The following COBL variants were observed in gnomAD, a reference collection of about 807,000 sequenced individuals.
COBL encodes the protein protein cordon-bleu.
Under a neutral mutation model 98.8 loss-of-function variants are expected in COBL, and 51 were observed. That is an observed-to-expected ratio of 0.52 (90% CI 0.41 to 0.65). The LOEUF is 0.65. Ranked by LOEUF, COBL falls within the 30% of genes least tolerant of loss-of-function variation. The probability of loss-of-function intolerance (pLI) is 0.00; values close to 1 mark genes in which losing one functional copy is unlikely to be tolerated. For synonymous variants in COBL, 634 were observed against 651.7 expected, an observed-to-expected ratio of 0.97 and a Z score of 0.41; for missense variants, 1,617 against 1,617.5, an observed-to-expected ratio of 1.00 and a Z score of 0.01.
chr7:51,065,491 G>A (rs1455077988), intron 7 of COBL: 8 of 671,970 alleles, frequency 1.2e-5, no homozygotes, highest in East Asian at 2.7e-5. Flanking sequence ...GGCAGAGGCC[G>A]AATGCACGCA....
chr7:51,095,997 G>A (rs1795240926), intron 6 of COBL, among the ~76,000 whole-genome samples: 1 of 152,144 alleles, frequency 6.6e-6, no homozygotes. Flanking sequence ...AGATCCATAA[G>A]TAATAGAGGA....
At position 51,028,491 on chromosome 7, in the gene COBL, C is replaced by T; in HGVS notation, c.2605G>A (p.Ala869Thr). The T allele has an allele frequency of 6.2e-7, 1 of 1,614,266 alleles. No homozygotes were observed. The highest frequency in any genetic ancestry group is 1.1e-5 in the South Asian group (1 of 91,088). ...CCTATGCGCTTGGCAATGGCAGAGGCCACATACTGGCTGGACGTTCTTCTC... is the reference window on the plus strand; with the variant it reads ...CCTATGCGCTTGGCAATGGCAGAGGTCACATACTGGCTGGACGTTCTTCTC... ...PQRRTSSQYV[A>T]SAIAKRIGAP... The change falls in exon 10 of 13, where the codon GCC becomes ACC. Residue 869 changes from alanine to threonine, a missense_variant. By Grantham distance (58) the Ala-to-Thr change is moderately conservative. This residue lies in a region of COBL where 1,304 missense variants were observed against 1,282.0 expected (regional missense o/e 1.02). Transcript: ENST00000265136.
intron 12 of COBL, among the ~76,000 whole-genome samples, chr7:51,019,357 T>C (rs1033906046): frequency 2.0e-5 from 3 of 151,818 alleles, no homozygotes; most frequent in Non-Finnish European, 2.9e-5. Flanking sequence ...ACTTGTGATG[T>C]GGAAGGGAAG....
At chr7:51,255,894 T>A (rs1797155338) in intron 1 of COBL, among the ~76,000 whole-genome samples, 1 of 152,102 alleles carries the variant, frequency 6.6e-6, no homozygotes, top group South Asian at 2.1e-4. Flanking sequence ...CTTTGTCCCT[T>A]AGATTGTGCA....
intron 6 of COBL, among the ~76,000 whole-genome samples, chr7:51,118,627 G>T (rs373204345): frequency 6.6e-6 from 1 of 151,838 alleles, no homozygotes; most frequent in Non-Finnish European, 1.5e-5. Context: ...CACTGGGGGG[G>T]AGAGGGGGAG....
intron 2 of COBL, among the ~76,000 whole-genome samples, chr7:51,206,491 C>CAAAAAAAAAAAAAAAA (rs1216887855): frequency 9.9e-6 from 1 of 101,276 alleles, no homozygotes; most frequent in African/African-American, 3.9e-5. Flanking sequence ...GACTCTGTCT[C>CAAAAAAAAAAAAAAAA]AAAAAAAAAA....
At chr7:51,159,725 G>A (rs1786589151) in intron 5 of COBL, among the ~76,000 whole-genome samples, 1 of 151,704 alleles carries the variant, frequency 6.6e-6, no homozygotes, top group African/African-American at 2.4e-5. Context: ...ACTGGTACTG[G>A]CATTAGGCCC....
intron 1 of COBL, among the ~76,000 whole-genome samples, chr7:51,268,639 T>A (rs1364338471): frequency 6.6e-6 from 1 of 152,062 alleles, no homozygotes. Flanking sequence ...GGTGTCTTTA[T>A]CAGGCTCCCC....
intron 1 of COBL, among the ~76,000 whole-genome samples, chr7:51,283,382 G>A (rs973682874): frequency 2.6e-5 from 4 of 152,172 alleles, no homozygotes; most frequent in Non-Finnish European, 5.9e-5. Context: ...AACTTTAAAT[G>A]ACACAGATCA....
Position 51,028,885 on chromosome 7 carries a change from C to T in COBL, c.2211G>A (p.Gly737=). Residue 737 remains glycine (G), a synonymous_variant, in exon 10 of 13, where the codon GGG becomes GGA. Transcript: ENST00000265136. ...STGAIKIDEL[G]NLVSPHATGI... ...CGGTGGCGTGAGGACTCACCAAGTT[C>T]CCCAGCTCGTCAATCTTAATGGCTC... The T allele has an allele frequency of 6.2e-7, 1 of 1,614,188 alleles. No individual in the cohort carries two copies.
In COBL at chr7:51,157,920, A is replaced by G. The variant is rs115256425; in HGVS notation, c.784-21589T>C. On this transcript the variant is annotated intron_variant, in intron 5 of 12. Transcript: ENST00000265136. ...CAATTGAAATAAACAAAATACAGAC[A>G]ATCATCACACACATTGTTAAAACAT... is the stretch of plus-strand genomic sequence containing the variant. Among the ~76,000 whole-genome samples, 1,106 of 152,348 alleles carry G rather than the reference A, an allele frequency of 7.3e-3. 13 individuals are homozygous for G. Among genetic ancestry groups the G allele is most frequent in the African/African-American group, 0.026 (1,073 of 41,576 alleles).
At chr7:51,310,172 A>C (rs1275259327) in intron 1 of COBL, among the ~76,000 whole-genome samples, 3 of 152,254 alleles carry the variant, frequency 2.0e-5, no homozygotes, top group Admixed American at 1.3e-4. Flanking sequence ...CAGTTGCAAT[A>C]ATCACCAGTC....
chr7:51,142,042 C>T (rs569426903), intron 5 of COBL, among the ~76,000 whole-genome samples: 1 of 152,308 alleles, frequency 6.6e-6, no homozygotes, highest in Admixed American at 6.5e-5. Context: ...TCCTGGAAAT[C>T]CTGCACTGAT....
chr7:51,239,519 T>C (rs1351044196), intron 1 of COBL, among the ~76,000 whole-genome samples: 1 of 152,206 alleles, frequency 6.6e-6, no homozygotes, highest in Non-Finnish European at 1.5e-5. Context: ...AATCAAGAAA[T>C]AATCATAAAA....
At chr7:51,073,516 A>G in intron 7 of COBL, 1 of 463,642 alleles carries the variant, frequency 2.2e-6, no homozygotes. Flanking sequence ...GCCAAAGCAT[A>G]TTGTTATTGT....
intron 7 of COBL, chr7:51,065,221 TG>T: frequency 1.4e-6 from 1 of 703,446 alleles, no homozygotes. Flanking sequence ...TGCGTGTGTG[TG>T]TCTAAGTGTG....
At chr7:51,228,992 C>A (rs1227143253) in intron 1 of COBL, among the ~76,000 whole-genome samples, 1 of 152,176 alleles carries the variant, frequency 6.6e-6, no homozygotes, top group Non-Finnish European at 1.5e-5. Flanking sequence ...AGAAAACTTA[C>A]TGATTCCCAA....
Position 51,316,574 on chromosome 7 carries a change from C to A in COBL, c.41+19G>T. ...AGGGAAGCCCCCTCTCCACCCCGCC[C>A]GACCGCGGGGCCGCTTACCCGGTCG... On this transcript the variant is annotated intron_variant, in intron 1 of 12. Transcript: ENST00000265136. 2 of 1,208,502 alleles carry A rather than the reference C, an allele frequency of 1.7e-6. No individual in the cohort carries two copies. The highest frequency in any genetic ancestry group is 2.1e-6 in the Non-Finnish European group (2 of 972,682). The allele number at this position is 1,208,502 out of a possible 1,614,324, so 74.9% of individuals were successfully genotyped here.
Position 51,247,867 on chromosome 7 carries a change from G to A in COBL, c.42-27923C>T, listed in dbSNP as rs534070118. Reference sequence around the variant, plus strand: ...AGGCCAGGCGCAATGGCTCATGTCTGTAATTCCAGCACTGTAATCCCTGCA... The same window carrying A: ...AGGCCAGGCGCAATGGCTCATGTCTATAATTCCAGCACTGTAATCCCTGCA... On this transcript the variant is annotated intron_variant, in intron 1 of 12. Coordinates refer to ENST00000265136, the MANE Select transcript of COBL (RefSeq NM_015198.5). Among the ~76,000 whole-genome samples the A allele has an allele frequency of 4.6e-5, 7 of 152,328 alleles. No homozygotes were observed. The South Asian group carries it at 1.4e-3, about 32-fold the overall frequency.
Sources: allele counts gnomAD v4.1 joint callset (sites outside exome capture counted in the v4.1 genomes callset), GRCh38; gene constraint gnomAD v4.1.1; regional missense constraint gnomAD v4.1.1; transcripts MANE v1.5; gene names NCBI Gene and HGNC (gene_info 2026-07-23, HGNC 2026-07-21).